The following PPFIA1 variants were observed in gnomAD, a reference collection of about 807,000 sequenced individuals.
PPFIA1 encodes PPFI scaffold protein A1.
PPFIA1 carries 25 observed loss-of-function variants against 149.9 expected under a neutral mutation model. The ratio of observed to expected loss-of-function variants is 0.17; its 90% CI spans 0.12 to 0.23. The LOEUF is 0.23. Among genes scored for constraint, PPFIA1 ranks in the 10% least tolerant of loss-of-function variants. PPFIA1 has a pLI of 1.00. For synonymous variants in PPFIA1, 549 were observed against 552.8 expected (o/e 0.99, Z 0.10); for missense variants, 1,362 against 1,506.5 (o/e 0.90, Z 1.59).
chr11:70,342,936 CTTTTTTTTTTTTTTTTTTTTT>C (rs71463672), intron 14 of PPFIA1, among the ~76,000 whole-genome samples: 1 of 78,172 alleles, frequency 1.3e-5, no homozygotes. Context: ...AATGTACCAC[CTTTTTTTTTTTTTTTTTTTTT>C]TTTTTTTTGA....
At chr11:70,295,553 G>A (rs1324958850) in intron 2 of PPFIA1, among the ~76,000 whole-genome samples, 24 of 137,316 alleles carry the variant, frequency 1.7e-4, no homozygotes, top group South Asian at 4.7e-4. Flanking sequence ...CTGGCCGGGC[G>A]GGGGGCTGAC....
At chr11:70,373,585 A>G (rs1303896333) in intron 23 of PPFIA1, 2 of 152,196 alleles carry the variant, frequency 1.3e-5, no homozygotes, top group Admixed American at 1.3e-4. Context: ...TGACTCCCAG[A>G]ATTCCTGGAA....
At chr11:70,339,429 C>G in intron 14 of PPFIA1, 123 bp downstream of exon 14, 2 of 1,154,056 alleles carry the variant, frequency 1.7e-6, no homozygotes, top group South Asian at 1.7e-5. Context: ...CTCTCATTTT[C>G]TATTTTCTGA....
At chr11:70,355,452 T>C (rs1361712843) in intron 17 of PPFIA1, among the ~76,000 whole-genome samples, 187 bp from the exon 18 acceptor site, 2 of 151,686 alleles carry the variant, frequency 1.3e-5, no homozygotes, top group African/African-American at 4.8e-5. Flanking sequence ...TCAGAGAGAG[T>C]CTCAGCTGCC....
In PPFIA1 at chr11:70,272,379, C is replaced by T. The variant is rs374418182; in HGVS notation, c.207C>T (p.His69=). The part of the protein sequence containing the change: ...ETLALTQGKL[H]EVGHERDSLQ... ...TGGCCTTAACCCAGGGGAAGTTACA[C>T]GAGGTTGGTCATGAAAGAGATTCCT... is the stretch of plus-strand genomic sequence containing the variant. Residue 69 remains histidine (H), a synonymous_variant, in exon 2 of 28, where the codon CAC becomes CAT. Coordinates refer to ENST00000253925, the MANE Select transcript of PPFIA1 (RefSeq NM_003626.5). The T allele has an allele frequency of 2.5e-6, 4 of 1,614,160 alleles. No individual in the cohort carries two copies. Among genetic ancestry groups the T allele is most frequent in the Admixed American group, 3.3e-5 (2 of 60,020 alleles).
At chr11:70,354,480 G>C in intron 17 of PPFIA1, 28 bp downstream of exon 17, 1 of 1,577,700 alleles carries the variant, frequency 6.3e-7, no homozygotes, top group Non-Finnish European at 8.6e-7. Flanking sequence ...GCCCCATGCA[G>C]AGCGCACCTG....
chr11:70,371,046 T>C (rs899744377), intron 21 of PPFIA1, among the ~76,000 whole-genome samples: 3 of 152,116 alleles, frequency 2.0e-5, no homozygotes, highest in Non-Finnish European at 4.4e-5. Flanking sequence ...GGCCGGAGAA[T>C]GACTTGAACC....
intron 5 of PPFIA1, 40 bp downstream of exon 5, chr11:70,325,614 G>A (rs778720011): frequency 2.3e-5 from 32 of 1,404,996 alleles, no homozygotes; most frequent in Non-Finnish European, 3.0e-5. Flanking sequence ...TTGGGGGGGG[G>A]TTATTTTTAT....
In PPFIA1 at chr11:70,355,039, G is replaced by GA. The variant is rs201611392; in HGVS notation, c.2315+589dup. The stretch of plus-strand genomic sequence containing the variant: ...ACAACCTTCACCTCCCGAGTAGCTG[G>GA]AACTACAGGCGCACACCACCATGCC... On this transcript the variant is annotated intron_variant, in intron 17 of 27. Transcript: ENST00000253925. Among the ~76,000 whole-genome samples, 495 of 152,074 alleles carry GA rather than the reference G, an allele frequency of 3.3e-3. 7 individuals are homozygous for GA. The South Asian group carries it at 0.036, about 11-fold the overall frequency.
intron 21 of PPFIA1, among the ~76,000 whole-genome samples, chr11:70,368,006 C>T (rs976103633): frequency 6.6e-6 from 1 of 152,074 alleles, no homozygotes; most frequent in African/African-American, 2.4e-5. Context: ...GTATTGTTGG[C>T]TTGAGACTGT....
chr11:70,343,555 CTT>C (rs1459027496), intron 14 of PPFIA1, 112 bp from the exon 15 acceptor site: 34 of 924,692 alleles, frequency 3.7e-5, no homozygotes, highest in Non-Finnish European at 5.5e-5. Flanking sequence ...CATGGCCCAT[CTT>C]TCTAAAATCT....
chr11:70,311,695 AC>A (rs1209114594), intron 2 of PPFIA1, among the ~76,000 whole-genome samples: 1 of 152,048 alleles, frequency 6.6e-6, no homozygotes, highest in African/African-American at 2.4e-5. Context: ...TTTGATTGTT[AC>A]GGTTGTGGAC....
In PPFIA1 at chr11:70,350,981, A is replaced by G. The variant is rs942364735; in HGVS notation, c.2163+2561A>G. On this transcript the variant is annotated intron_variant, in intron 16 of 27. Transcript: ENST00000253925. ...ATCTGGTTTCTCTTCATTTCTTTGC[A>G]TGCATCTATCAGCCTAGTGATTTAA... 56 of 1,253,866 alleles carry G rather than the reference A, an allele frequency of 4.5e-5. No individual in the cohort carries two copies. In the African/African-American group the frequency reaches 7.6e-4, roughly 17 times the overall value. 77.7% of individuals were successfully genotyped at this position (1,253,866 alleles called of 1,614,324 possible). A position where few individuals can be genotyped will look rare whatever the true frequency, so the allele number is the denominator to read the frequency against.
chr11:70,362,541 A>C (rs949313085), intron 21 of PPFIA1, 53 bp downstream of exon 21: 3 of 1,508,994 alleles, frequency 2.0e-6, no homozygotes, highest in Non-Finnish European at 2.7e-6. Context: ...TGCCTCTCTG[A>C]AGGTATCACT....
chr11:70,331,950 C>G lies in PPFIA1; in HGVS notation c.1078-10C>G, dbSNP rs1256147719. 1 of 1,601,292 alleles carries G rather than the reference C, an allele frequency of 6.2e-7. No homozygotes were observed. Among genetic ancestry groups the G allele is most frequent in the Non-Finnish European group, 8.5e-7 (1 of 1,176,092 alleles). On this transcript the variant is annotated splice_polypyrimidine_tract_variant and intron_variant, in intron 8 of 27. Transcript: ENST00000253925. ...TTGTTGCATTTTGATGCTTTGCTCT[C>G]ATTTTATAGACTGAAGATAAAAACC... is the stretch of plus-strand genomic sequence containing the variant.
chr11:70,335,714 C>T lies in PPFIA1; in HGVS notation c.1428+20C>T. 6.2e-7 allele frequency: 1 copy of T among 1,612,766 alleles called. No homozygotes were observed. Among genetic ancestry groups the T allele is most frequent in the South Asian group, 1.1e-5 (1 of 90,948 alleles). On this transcript the variant is annotated intron_variant, in intron 11 of 27. Coordinates refer to ENST00000253925, the MANE Select transcript of PPFIA1 (RefSeq NM_003626.5). ...GATAAGGTAAGTTAGATAACACGGA[C>T]ATGCTGGAGCTTTCCCACCCTCTGC... is the stretch of plus-strand genomic sequence containing the variant.
chr11:70,360,696 C>T (rs1381182588), intron 19 of PPFIA1, among the ~76,000 whole-genome samples: 1 of 152,256 alleles, frequency 6.6e-6, no homozygotes, highest in Non-Finnish European at 1.5e-5. Flanking sequence ...CTCTTCATTT[C>T]GCATCTTGCG....
chr11:70,335,441 T>G, intron 10 of PPFIA1, 122 bp from the exon 11 acceptor site: 3 of 1,119,738 alleles, frequency 2.7e-6, no homozygotes, highest in Non-Finnish European at 3.8e-6. Context: ...AAGATGGCAG[T>G]GTGGGGAGCA....
intron 2 of PPFIA1, among the ~76,000 whole-genome samples, chr11:70,306,481 C>T (rs930759484): frequency 2.6e-5 from 4 of 152,082 alleles, no homozygotes; most frequent in African/African-American, 9.7e-5. Context: ...TACCTAAACA[C>T]ATAATTTTAG....
Sources: allele counts gnomAD v4.1 joint callset (sites outside exome capture counted in the v4.1 genomes callset), GRCh38; gene constraint gnomAD v4.1.1; transcripts MANE v1.5; gene names NCBI Gene and HGNC (gene_info 2026-07-23, HGNC 2026-07-21).